The following SLC2A12 variants were observed in gnomAD, a reference collection of about 807,000 sequenced individuals.
The protein encoded by SLC2A12 is solute carrier family 2, facilitated glucose transporter member 12.
SLC2A12 carries 23 observed loss-of-function variants against 41.8 expected under a neutral mutation model. That is an observed-to-expected ratio of 0.55 (90% confidence interval 0.40 to 0.78). The LOEUF (loss-of-function observed/expected upper bound fraction) is 0.78. Among genes scored for constraint, SLC2A12 ranks in the 30% least tolerant of loss-of-function variants. SLC2A12 has a pLI of 0.00. For synonymous variants in SLC2A12, 295 were observed against 285.9 expected (o/e 1.03, Z -0.32); for missense variants, 654 against 745.6 (o/e 0.88, Z 1.43).
At chr6:134,051,598 G>A (rs183828192) in intron 1 of SLC2A12, among the ~76,000 whole-genome samples, 22 of 152,188 alleles carry the variant, frequency 1.4e-4, no homozygotes, top group African/African-American at 5.3e-4. Context: ...TGAGCAGGAA[G>A]AGGCAGCAAA....
chr6:133,997,953 AT>A (rs1776715852), intron 4 of SLC2A12, among the ~76,000 whole-genome samples: 1 of 152,042 alleles, frequency 6.6e-6, no homozygotes, highest in Admixed American at 6.6e-5. Context: ...AATTGCCTTT[AT>A]TTTTGTTCTT....
chr6:134,030,771 A>T (rs1421543502), intron 1 of SLC2A12, among the ~76,000 whole-genome samples: 1 of 152,160 alleles, frequency 6.6e-6, no homozygotes, highest in Non-Finnish European at 1.5e-5. Flanking sequence ...GCTTAAAATG[A>T]ATTTGGATAA....
intron 4 of SLC2A12, among the ~76,000 whole-genome samples, chr6:133,993,687 T>C (rs970602335): frequency 2.0e-5 from 3 of 152,086 alleles, no homozygotes; most frequent in Non-Finnish European, 2.9e-5. Flanking sequence ...GGGTGCAGAG[T>C]TGGCTACACA....
At chr6:134,042,021 G>A (rs1346938452) in intron 1 of SLC2A12, among the ~76,000 whole-genome samples, 1 of 152,164 alleles carries the variant, frequency 6.6e-6, no homozygotes, top group African/African-American at 2.4e-5. Context: ...AGTAAAAGAT[G>A]TATCTGTACT....
At chr6:134,052,324 G>T in intron 1 of SLC2A12, 54 bp downstream of exon 1, 1 of 1,376,276 alleles carries the variant, frequency 7.3e-7, no homozygotes, top group Non-Finnish European at 1.0e-6. Context: ...ACACTCGGGA[G>T]ATGAGTACAG....
At chr6:133,995,500 A>AG (rs1360462474) in intron 4 of SLC2A12, among the ~76,000 whole-genome samples, 1 of 152,222 alleles carries the variant, frequency 6.6e-6, no homozygotes, top group African/African-American at 2.4e-5. Flanking sequence ...TGAGGAAATG[A>AG]GGAGGTTTCC....
chr6:134,026,467 G>A (rs1777113252), intron 2 of SLC2A12, among the ~76,000 whole-genome samples: 1 of 151,984 alleles, frequency 6.6e-6, no homozygotes, highest in Non-Finnish European at 1.5e-5. Flanking sequence ...ATAAAATAAA[G>A]AAAATAATAA....
chr6:134,022,657 T>C (rs567004616), intron 2 of SLC2A12, among the ~76,000 whole-genome samples: 1 of 152,342 alleles, frequency 6.6e-6, no homozygotes, highest in South Asian at 2.1e-4. Context: ...GACCTGTATG[T>C]CGTGGAAGAA....
At chr6:134,037,692 A>G (rs1259388206) in intron 1 of SLC2A12, among the ~76,000 whole-genome samples, 1 of 151,980 alleles carries the variant, frequency 6.6e-6, no homozygotes, top group Non-Finnish European at 1.5e-5. Context: ...CTTTACATCC[A>G]AGGTTTTACA....
chr6:134,005,659 T>A (rs1234414505), intron 3 of SLC2A12, among the ~76,000 whole-genome samples: 1 of 64,960 alleles, frequency 1.5e-5, no homozygotes, highest in Non-Finnish European at 2.7e-5. Flanking sequence ...GACTCTGTCT[T>A]AAAAAAAAAA....
chr6:134,024,764 A>G (rs1226488522), intron 2 of SLC2A12, among the ~76,000 whole-genome samples: 1 of 152,232 alleles, frequency 6.6e-6, no homozygotes, highest in Non-Finnish European at 1.5e-5. Flanking sequence ...CCAGAATTGA[A>G]TAATGTATAG....
Position 134,028,732 on chromosome 6 carries a change from T to C in SLC2A12, c.1093A>G (p.Asn365Asp), listed in dbSNP as rs748426939. ...AASLVTMGIV[N>D]LNIHMNFTHI... is the part of the protein sequence containing the mutation. Reference sequence around the variant, plus strand: ...GTGAAGTTCATGTGGATGTTGAGATTTACGATGCCCATGGTCACCAACGAA... The same window carrying C: ...GTGAAGTTCATGTGGATGTTGAGATCTACGATGCCCATGGTCACCAACGAA... The change falls in exon 2 of 5, where the codon AAT becomes GAT. Residue 365 changes from asparagine (N) to aspartate (D), a missense_variant. Asn to Asp is a conservative substitution (Grantham distance 23). This residue lies in a region of SLC2A12 where 411 missense variants were observed against 412.1 expected (regional missense o/e 1.00). Transcript: ENST00000275230. 5.6e-6 allele frequency: 9 copies of C among 1,613,996 alleles called. No individual in the cohort carries two copies. In the African/African-American group the frequency reaches 1.1e-4, roughly 19 times the overall value.
chr6:134,021,686 G>A (rs186207873), intron 2 of SLC2A12, among the ~76,000 whole-genome samples: 5 of 152,318 alleles, frequency 3.3e-5, no homozygotes, highest in Admixed American at 3.3e-4. Flanking sequence ...CCACCAGTAA[G>A]TAGAAGAGCT....
chr6:134,014,167 G>T (rs972178524), intron 2 of SLC2A12, among the ~76,000 whole-genome samples: 1 of 152,188 alleles, frequency 6.6e-6, no homozygotes, highest in Non-Finnish European at 1.5e-5. Context: ...ATTCAAGTAC[G>T]TGACGTTTAT....
At chr6:134,006,683 G>T in intron 3 of SLC2A12, 129 bp downstream of exon 3, 1 of 1,195,618 alleles carries the variant, frequency 8.4e-7, no homozygotes, top group Non-Finnish European at 1.2e-6. Context: ...GGTACTTCAG[G>T]GTCATGGCCG....
intron 3 of SLC2A12, among the ~76,000 whole-genome samples, chr6:134,004,470 T>C (rs911089520): frequency 6.6e-6 from 1 of 152,252 alleles, no homozygotes; most frequent in Non-Finnish European, 1.5e-5. Context: ...TATGTGTATA[T>C]ATGTGTTTAT....
chr6:134,006,853 C>A lies in SLC2A12; in HGVS notation c.1526G>T (p.Gly509Val). 1.9e-6 allele frequency: 3 copies of A among 1,614,118 alleles called. No individual in the cohort carries two copies. Among genetic ancestry groups the A allele is most frequent in the South Asian group, 2.2e-5 (2 of 91,076 alleles). ...TGTCAGCGAGATGAGGAGATTGATG[C>A]CCCAGTTCATGCTAGAAGTTAAAGC... ...AMALTSSMNW[G>V]INLLISLTFL... Residue 509 changes from glycine to valine, a missense_variant, in exon 3 of 5, where the codon GGC (glycine) becomes GTC (valine). Physicochemically the swap from Gly to Val is moderately radical, Grantham distance 109 (BLOSUM62 -3). Transcript: ENST00000275230.
At chr6:134,001,471 G>A (rs1387433347) in intron 4 of SLC2A12, among the ~76,000 whole-genome samples, 1 of 152,108 alleles carries the variant, frequency 6.6e-6, no homozygotes, top group Non-Finnish European at 1.5e-5. Context: ...CTTTGTTCTA[G>A]TAAAAATTAT....
intron 1 of SLC2A12, among the ~76,000 whole-genome samples, chr6:134,044,753 A>ATTTTTT (rs34896875): frequency 6.8e-6 from 1 of 147,294 alleles, no homozygotes; most frequent in African/African-American, 2.5e-5. Context: ...TCTTAGATAC[A>ATTTTTT]TTTTTTTTTA....
Sources: gnomAD v4.1 joint callset for allele counts (sites outside exome capture counted in the v4.1 genomes callset) on GRCh38, gnomAD v4.1.1 for gene constraint, gnomAD v4.1.1 regional missense constraint, MANE v1.5 for transcripts, NCBI Gene and HGNC (gene_info 2026-07-23, HGNC 2026-07-21) for gene names.